The following ANKRD24 variants were observed in gnomAD, a reference collection of about 807,000 sequenced individuals.
The protein encoded by ANKRD24 is ankyrin repeat domain-containing protein 24.
A neutral mutation model predicts 127.8 loss-of-function variants in ANKRD24; 109 were observed. The ratio of observed to expected loss-of-function variants is 0.85; its 90% confidence interval spans 0.73 to 1.00. The LOEUF (loss-of-function observed/expected upper bound fraction) is 1.00. Ranked by LOEUF, ANKRD24 falls within the 50% of genes least tolerant of loss-of-function variation. The pLI is 0.00. For synonymous variants in ANKRD24, 743 were observed against 671.1 expected, an observed-to-expected ratio of 1.11 and a Z score of -1.66; for missense variants, 1,648 against 1,570.2, an observed-to-expected ratio of 1.05 and a Z score of -0.84.
At position 4,186,204 on chromosome 19, in the gene ANKRD24, G is replaced by GTATAGA. The variant is rs1968052307; in HGVS notation, c.-36-186_-36-185insTATAGA. 2.2e-6 allele frequency: 3 copies of GTATAGA among 1,346,264 alleles called. No homozygotes were observed. The African/African-American group carries it at 4.4e-5, about 20-fold the overall frequency. The allele number at this position is 1,346,264 out of a possible 1,614,324, so 83.4% of individuals were successfully genotyped here. A position where few individuals can be genotyped will look rare whatever the true frequency, so the allele number is the denominator to read the frequency against. ...CTGTATAGATGAGGGAAGTAAAACA[G>GTATAGA]AGAGGGCAAGTAAACTGCCAAAGGA... On this transcript the variant is annotated intron_variant, in intron 1 of 21. Transcript: ENST00000318934.
chr19:4,199,558 A>G lies in ANKRD24; in HGVS notation c.37-125A>G. On this transcript the variant is annotated intron_variant, in intron 2 of 21. Transcript: ENST00000318934. This position sits in a 1 kb window ranked among gnomAD's most constrained non-coding sequence, Gnocchi z 5.2. ...TAGATGCCAGGGGGCTGCTCAGGGG[A>G]TGATGCTGGTGGTGGGCTTTTGTTG... The G allele has an allele frequency of 1.4e-6, 2 of 1,430,548 alleles. No individual in the cohort carries two copies. Among genetic ancestry groups the G allele is most frequent in the Non-Finnish European group, 1.8e-6 (2 of 1,096,686 alleles). The allele number at this position is 1,430,548 out of a possible 1,614,324, so 88.6% of individuals were successfully genotyped here.
At chr19:4,204,873 G>A (rs938991736) in intron 7 of ANKRD24, among the ~76,000 whole-genome samples, 13 of 152,170 alleles carry the variant, frequency 8.5e-5, no homozygotes, top group African/African-American at 3.1e-4. Flanking sequence ...AGGCCCAGGC[G>A]GGCAGATTAG....
At chr19:4,193,945 G>A (rs1211007893) in intron 2 of ANKRD24, among the ~76,000 whole-genome samples, 1 of 151,914 alleles carries the variant, frequency 6.6e-6, no homozygotes, top group Non-Finnish European at 1.5e-5. Context: ...GCTGCTCAGA[G>A]AAGGGTTAGC....
intron 15 of ANKRD24, among the ~76,000 whole-genome samples, chr19:4,215,602 G>GAA (rs35812357): frequency 0.72 from 97,663 of 135,318 alleles, 35,370 homozygotes; most frequent in African/African-American, 0.77. Context: ...CCGCATCTCT[G>GAA]AAAAAAAAAA....
At chr19:4,197,003 C>A (rs1009835896) in intron 2 of ANKRD24, among the ~76,000 whole-genome samples, 1 of 152,158 alleles carries the variant, frequency 6.6e-6, no homozygotes, top group African/African-American at 2.4e-5. Flanking sequence ...CTGTGAGGAA[C>A]GAGTCACAGT....
chr19:4,207,538 G>A lies in ANKRD24; in HGVS notation c.575G>A (p.Cys192Tyr). ...CCCCTCATTATAGCAGCTCAGATGT[G>A]TCACACAGACCTGTGCCGTCTCCTA... Reference protein sequence around the residue: ...ATPLIIAAQMCHTDLCRLLLQ... With the variant: ...ATPLIIAAQMYHTDLCRLLLQ... The change falls in exon 9 of 22, where the codon TGT becomes TAT. Residue 192 changes from cysteine (C) to tyrosine (Y), a missense_variant. By Grantham distance (194) the Cys-to-Tyr change is radical (BLOSUM62 -2). Transcript: ENST00000318934. 6.2e-7 allele frequency: 1 copy of A among 1,613,914 alleles called. No homozygotes were observed. Among genetic ancestry groups the A allele is most frequent in the Non-Finnish European group, 8.5e-7 (1 of 1,179,874 alleles).
intron 4 of ANKRD24, 37 bp from the exon 5 acceptor site, chr19:4,200,044 TGG>T: frequency 1.9e-6 from 3 of 1,568,086 alleles, no homozygotes; most frequent in Non-Finnish European, 2.6e-6. Context: ...GGCTGAGGGG[TGG>T]CAACCTTGCG....
chr19:4,200,761 G>A (rs1969054708), intron 5 of ANKRD24, among the ~76,000 whole-genome samples: 1 of 152,054 alleles, frequency 6.6e-6, no homozygotes, highest in African/African-American at 2.4e-5. Flanking sequence ...GGCTCTAAGT[G>A]ATCCTTCCAC....
chr19:4,222,743 C>A lies in ANKRD24; in HGVS notation c.3245C>A (p.Pro1082His), dbSNP rs750532638. The change falls in exon 20 of 22, where the codon CCT (proline) becomes CAT (histidine). Residue 1082 changes from proline (P) to histidine (H), a missense_variant. Pro to His is a moderately conservative substitution (Grantham distance 77). Coordinates refer to ENST00000318934, the MANE Select transcript of ANKRD24 (RefSeq NM_001393985.1). ...GAGCAGCCGGCCGCCCTCGCCACCC[C>A]TGAGGTGGAGGCTCTCCGTGACCAG... ...LKEQPAALAT[P>H]EVEALRDQVK... is the part of the protein sequence containing the mutation. 3.1e-6 allele frequency: 5 copies of A among 1,612,006 alleles called. No homozygotes were observed. In the South Asian group the frequency reaches 5.5e-5, roughly 18 times the overall value.
chr19:4,216,685 G>T lies in ANKRD24; in HGVS notation c.1525G>T (p.Ala509Ser). 1 of 1,589,592 alleles carries T rather than the reference G, an allele frequency of 6.3e-7. No individual in the cohort carries two copies. Among genetic ancestry groups the T allele is most frequent in the Non-Finnish European group, 8.6e-7 (1 of 1,168,404 alleles). Residue 509 changes from alanine (A) to serine (S), a missense_variant, in exon 18 of 22, where the codon GCC (alanine) becomes TCC (serine). Ala to Ser is a moderately conservative substitution (Grantham distance 99). Coordinates refer to ENST00000318934, the MANE Select transcript of ANKRD24 (RefSeq NM_001393985.1). Reference sequence around the variant, plus strand: ...CAGGCAGCACGCTGAGGCCCTGCAGGCCCTGAGGCAGCAGGAGACACGAGA... The same window carrying T: ...CAGGCAGCACGCTGAGGCCCTGCAGTCCCTGAGGCAGCAGGAGACACGAGA... ...LRRQHAEALQ[A>S]LRQQETREVP... is the part of the protein sequence containing the mutation.
chr19:4,196,360 A>T (rs1042118536), intron 2 of ANKRD24, among the ~76,000 whole-genome samples: 20 of 122,750 alleles, frequency 1.6e-4, no homozygotes, highest in Non-Finnish European at 3.3e-4. Context: ...TTGTTGTTTT[A>T]GTTTGTTTGT....
chr19:4,213,254 CCTTCTTTCCTT>C (rs1969858046), intron 15 of ANKRD24, among the ~76,000 whole-genome samples: 1 of 93,098 alleles, frequency 1.1e-5, no homozygotes, highest in South Asian at 4.1e-4. Flanking sequence ...TCCTTCCTTT[CCTTCTTTCCTT>C]TCCTTCCTTC....
At chr19:4,211,625 CAG>C (rs1325864545) in intron 13 of ANKRD24, among the ~76,000 whole-genome samples, 1 of 151,916 alleles carries the variant, frequency 6.6e-6, no homozygotes, top group East Asian at 1.9e-4. Flanking sequence ...GCCTGGGTGA[CAG>C]AGCAAGACTC....
intron 11 of ANKRD24, 32 bp from the exon 12 acceptor site, chr19:4,210,025 GC>G: frequency 7.0e-7 from 1 of 1,432,890 alleles, no homozygotes; most frequent in East Asian, 2.4e-5. Flanking sequence ...CCCCCGATCG[GC>G]CCCCTTCACT....
rs1969810953 is a variant in ANKRD24 at position 4,212,653 on chromosome 19, G to C, written c.1152G>C (p.Leu384=). 1 of 1,551,150 alleles carries C rather than the reference G, an allele frequency of 6.4e-7. No individual in the cohort carries two copies. The highest frequency in any genetic ancestry group is 1.4e-5 in the African/African-American group (1 of 73,034). ...LVERQEEKES[L]GREVESLQSR... is the part of the protein sequence containing the mutation. ...AGAGACAAGAGGAGAAGGAGAGCCTGGGACGGGAGGTGGAGAGTTTGCAGA... is the reference window on the plus strand; with the variant it reads ...AGAGACAAGAGGAGAAGGAGAGCCTCGGACGGGAGGTGGAGAGTTTGCAGA... Residue 384 remains leucine, a synonymous_variant, in exon 15 of 22, where the codon CTG becomes CTC. Transcript: ENST00000318934.
chr19:4,222,186 C>G (rs1015445891), intron 19 of ANKRD24, among the ~76,000 whole-genome samples: 5 of 152,180 alleles, frequency 3.3e-5, no homozygotes, highest in African/African-American at 9.6e-5. Flanking sequence ...GTCAGGAGTT[C>G]AAGACCAGCC....
rs535515997 is a variant in ANKRD24, at chr19:4,198,356, G to C, written c.37-1327G>C. 1 of 397,546 alleles carries C rather than the reference G, an allele frequency of 2.5e-6. No individual in the cohort carries two copies. 24.6% of individuals were successfully genotyped at this position (397,546 alleles called of 1,614,324 possible). On this transcript the variant is annotated intron_variant, in intron 2 of 21. Transcript: ENST00000318934. This position sits in a 1 kb window ranked among gnomAD's most constrained non-coding sequence, Gnocchi z 6.1. Reference sequence around the variant, plus strand: ...GGGCGGCACCAGGGAGGGCGGGACCGGGCGGGCGGGCGGGGCGGGGAGCTC... The same window carrying C: ...GGGCGGCACCAGGGAGGGCGGGACCCGGCGGGCGGGCGGGGCGGGGAGCTC...
intron 18 of ANKRD24, 143 bp downstream of exon 18, chr19:4,218,306 T>C: frequency 1.4e-6 from 1 of 701,894 alleles, no homozygotes; most frequent in Admixed American, 4.4e-5. Flanking sequence ...TTTATTTATT[T>C]ATTTATTTTT....
At chr19:4,216,118 T>A in intron 16 of ANKRD24, 68 bp downstream of exon 16, 1 of 1,497,970 alleles carries the variant, frequency 6.7e-7, no homozygotes, top group South Asian at 1.2e-5. Flanking sequence ...ACGGAGCCTC[T>A]GGGTGTGGGG....
Sources: allele counts gnomAD v4.1 joint callset (sites outside exome capture counted in the v4.1 genomes callset), GRCh38; gene constraint gnomAD v4.1.1; non-coding constraint Gnocchi (gnomAD v3.1); transcripts MANE v1.5; gene names NCBI Gene and HGNC (gene_info 2026-07-23, HGNC 2026-07-21).